ARHGAP28: variants seen among roughly 807,000 people sequenced by gnomAD.
ARHGAP28 encodes the protein Rho GTPase activating protein 28.
A neutral mutation model predicts 90.7 loss-of-function variants in ARHGAP28; 56 were observed. That is an observed-to-expected ratio of 0.62 (90% CI 0.50 to 0.77). The LOEUF is 0.77. Among genes scored for constraint, ARHGAP28 ranks in the 30% least tolerant of loss-of-function variants. The pLI is 0.00. For missense variants in ARHGAP28, 869 were observed against 900.9 expected, an observed-to-expected ratio of 0.96 and a Z score of 0.45; for synonymous variants, 308 against 323.3, an observed-to-expected ratio of 0.95 and a Z score of 0.51.
intron 1 of ARHGAP28, among the ~76,000 whole-genome samples, chr18:6,747,717 C>T (rs1036594341): frequency 2.6e-5 from 4 of 152,170 alleles, no homozygotes; most frequent in Non-Finnish European, 4.4e-5. Flanking sequence ...AACTACTTTA[C>T]ACATTGGAAG....
Position 6,851,043 on chromosome 18 carries a change from A to G in ARHGAP28, c.553A>G (p.Thr185Ala), listed in dbSNP as rs780172557. ...FGVSESPPRD[T>A]CGNHTNQLDG... The stretch of plus-strand genomic sequence containing the variant: ...TCATTTCTTCCGTTAGCCTCGTGAT[A>G]CCTGTGGCAACCACACTAATCAGCT... Residue 185 changes from threonine (T) to alanine (A), a missense_variant, in exon 4 of 18, where the codon ACC (threonine) becomes GCC (alanine). By Grantham distance (58) the Thr-to-Ala change is moderately conservative. Coordinates refer to ENST00000383472, the MANE Select transcript of ARHGAP28 (RefSeq NM_001366230.1). The G allele has an allele frequency of 6.2e-7, 1 of 1,614,094 alleles. No homozygotes were observed. The highest frequency in any genetic ancestry group is 1.1e-5 in the South Asian group (1 of 91,074).
intron 17 of ARHGAP28, 56 bp from the exon 18 acceptor site, chr18:6,912,004 C>A: frequency 8.9e-7 from 1 of 1,126,606 alleles, no homozygotes; most frequent in Non-Finnish European, 1.3e-6. Flanking sequence ...CATATGTGTG[C>A]GCACGCACAC....
chr18:6,823,499 T>C (rs2056639676), intron 1 of ARHGAP28, among the ~76,000 whole-genome samples: 1 of 152,056 alleles, frequency 6.6e-6, no homozygotes, highest in Admixed American at 6.6e-5. Context: ...ATTAAGTGGA[T>C]GCTATTAGCA....
chr18:6,876,095 A>T (rs750325331), intron 9 of ARHGAP28, 36 bp from the exon 10 acceptor site: 1 of 1,444,774 alleles, frequency 6.9e-7, no homozygotes, highest in South Asian at 1.1e-5. Context: ...GATCATATAG[A>T]GGTACTTATT....
At chr18:6,850,914 G>A in intron 3 of ARHGAP28, 120 bp from the exon 4 acceptor site, 2 of 1,531,484 alleles carry the variant, frequency 1.3e-6, no homozygotes, top group Non-Finnish European at 1.8e-6. Context: ...GTCATTAATT[G>A]TATATATCTC....
chr18:6,782,592 ATTTTTTTTT>A (rs10602816), intron 1 of ARHGAP28, among the ~76,000 whole-genome samples: 1,735 of 26,468 alleles, frequency 0.066, 12 homozygotes, highest in East Asian at 0.3. Context: ...TAATTTTTGT[ATTTTTTTTT>A]TTTTTTTTTT....
At chr18:6,884,392 C>T (rs898310178) in intron 11 of ARHGAP28, among the ~76,000 whole-genome samples, 13 of 151,976 alleles carry the variant, frequency 8.6e-5, no homozygotes, top group Non-Finnish European at 1.6e-4. Context: ...AAAAAAAGTC[C>T]TTGTTGGCAG....
chr18:6,784,870 C>T (rs964504609), intron 1 of ARHGAP28, among the ~76,000 whole-genome samples: 7 of 152,146 alleles, frequency 4.6e-5, no homozygotes, highest in African/African-American at 1.7e-4. Context: ...AAGCTTTGTT[C>T]GAATGTTACA....
At chr18:6,819,384 A>G (rs567109918) in intron 1 of ARHGAP28, among the ~76,000 whole-genome samples, 1 of 152,340 alleles carries the variant, frequency 6.6e-6, no homozygotes, top group South Asian at 2.1e-4. Flanking sequence ...AGCTGTGGAT[A>G]CAAAGAAGTC....
chr18:6,896,899 C>CTTTTATTTTATTTTA lies in ARHGAP28; in HGVS notation c.2030+282_2030+296dup, dbSNP rs1222805432. ...GCTTCATTTATTCAGTGAGTTTTAC[C>CTTTTATTTTATTTTA]TTTTATTTTATTTTATTTTATTTAT... On this transcript the variant is annotated intron_variant, in intron 16 of 17. Transcript: ENST00000383472. The CTTTTATTTTATTTTA allele has an allele frequency of 8.7e-3, 2,302 of 263,662 alleles. 52 individuals carry two copies. Among genetic ancestry groups the CTTTTATTTTATTTTA allele is most frequent in the African/African-American group, 0.049 (2,201 of 44,628 alleles). 16.3% of individuals were successfully genotyped at this position (263,662 alleles called of 1,614,324 possible). A position where few individuals can be genotyped will look rare whatever the true frequency, so the allele number is the denominator to read the frequency against.
chr18:6,749,707 A>G (rs1213038760), intron 1 of ARHGAP28, among the ~76,000 whole-genome samples: 2 of 152,192 alleles, frequency 1.3e-5, no homozygotes, highest in Admixed American at 6.5e-5. Context: ...CTTAGCATCC[A>G]TAGATTCAGG....
chr18:6,752,771 G>A (rs2056079932), intron 1 of ARHGAP28, among the ~76,000 whole-genome samples: 1 of 152,122 alleles, frequency 6.6e-6, no homozygotes, highest in African/African-American at 2.4e-5. Context: ...GTGACAGTGA[G>A]GCCTTTTGTT....
chr18:6,748,186 A>G (rs934213053), intron 1 of ARHGAP28, among the ~76,000 whole-genome samples: 8 of 152,198 alleles, frequency 5.3e-5, no homozygotes, highest in Admixed American at 6.5e-5. Flanking sequence ...AGAAATCTCC[A>G]CATTCCCAAA....
At chr18:6,751,399 G>A (rs1567935146) in intron 1 of ARHGAP28, among the ~76,000 whole-genome samples, 1 of 152,136 alleles carries the variant, frequency 6.6e-6, no homozygotes, top group African/African-American at 2.4e-5. Context: ...TGAAACTGGA[G>A]TTTCCATGAC....
intron 1 of ARHGAP28, among the ~76,000 whole-genome samples, chr18:6,809,732 C>T (rs1298325142): frequency 2.0e-5 from 3 of 152,248 alleles, no homozygotes; most frequent in Non-Finnish European, 2.9e-5. Flanking sequence ...CCCCATGATC[C>T]AATCACCTCT....
chr18:6,759,692 A>T (rs1325605622), intron 1 of ARHGAP28, among the ~76,000 whole-genome samples: 1 of 152,226 alleles, frequency 6.6e-6, no homozygotes, highest in African/African-American at 2.4e-5. Flanking sequence ...TAAAATTGGA[A>T]CACTTTCAGA....
chr18:6,850,703 C>T (rs1600245644), intron 3 of ARHGAP28: 1 of 901,606 alleles, frequency 1.1e-6, no homozygotes, highest in East Asian at 2.7e-5. Flanking sequence ...ATCACATGAT[C>T]ACACTCAGTC....
At chr18:6,743,130 A>G (rs1434528480) in intron 1 of ARHGAP28, among the ~76,000 whole-genome samples, 1 of 152,176 alleles carries the variant, frequency 6.6e-6, no homozygotes, top group African/African-American at 2.4e-5. Flanking sequence ...GAGAAGAGGG[A>G]GACCGACGAG....
At chr18:6,904,400 G>A (rs2057354147) in intron 16 of ARHGAP28, among the ~76,000 whole-genome samples, 1 of 151,920 alleles carries the variant, frequency 6.6e-6, no homozygotes, top group African/African-American at 2.4e-5. Flanking sequence ...TCTCAAAAAT[G>A]AATAAATAAA....
Sources: allele counts gnomAD v4.1 joint callset (sites outside exome capture counted in the v4.1 genomes callset), GRCh38; gene constraint gnomAD v4.1.1; transcripts MANE v1.5; gene names NCBI Gene and HGNC (gene_info 2026-07-23, HGNC 2026-07-21).